SECISBP2L: variants seen among roughly 807,000 people sequenced by gnomAD.
The protein encoded by SECISBP2L is selenocysteine insertion sequence-binding protein 2-like.
In SECISBP2L, 43 loss-of-function variants were observed where a neutral mutation model predicts 114.7. The observed-to-expected ratio is 0.38, with a 90% CI of 0.29 to 0.48. SECISBP2L has a LOEUF of 0.48. Ranked by LOEUF, SECISBP2L falls within the 20% of genes least tolerant of loss-of-function variation. The pLI, the probability that SECISBP2L is intolerant of heterozygous loss-of-function variation, is 0.98. For missense variants in SECISBP2L, 1,136 were observed against 1,301.1 expected (o/e 0.87, Z 1.95); for synonymous variants, 451 against 439.7 (o/e 1.03, Z -0.32).
chr15:49,042,074 G>GT (rs561852112), intron 1 of SECISBP2L, among the ~76,000 whole-genome samples: 178 of 152,210 alleles, frequency 1.2e-3, no homozygotes, highest in Non-Finnish European at 2.2e-3. Context: ...CAAATCTAAT[G>GT]TTTTTTAAAT....
At chr15:49,024,517 A>C (rs1415293267) in intron 7 of SECISBP2L, among the ~76,000 whole-genome samples, 2 of 151,718 alleles carry the variant, frequency 1.3e-5, no homozygotes, top group Non-Finnish European at 2.9e-5. Context: ...AAAAAAAAGA[A>C]AGAAATCACC....
intron 2 of SECISBP2L, 78 bp from the exon 3 acceptor site, chr15:49,035,736 A>C: frequency 2.3e-6 from 3 of 1,315,380 alleles, no homozygotes; most frequent in Non-Finnish European, 3.1e-6. Flanking sequence ...CTTAACTTAC[A>C]CTAATAAAAG....
At chr15:49,004,600 T>TAGCTGTGTCCCAGAGTAA (rs1382632912) in intron 14 of SECISBP2L, among the ~76,000 whole-genome samples, 3 of 152,252 alleles carry the variant, frequency 2.0e-5, no homozygotes, top group Non-Finnish European at 4.4e-5. Context: ...AACACTGCTT[T>TAGCTGTGTCCCAGAGTAA]AGCTGTGTCC....
At position 49,035,650 on chromosome 15, in the gene SECISBP2L, G is replaced by A. The variant is rs1902990861; in HGVS notation, c.212C>T (p.Pro71Leu). The A allele has an allele frequency of 6.3e-7, 1 of 1,599,388 alleles. No individual in the cohort carries two copies. Among genetic ancestry groups the A allele is most frequent in the African/African-American group, 1.3e-5 (1 of 74,356 alleles). ...VQENQSNRQF[P>L]LYNNDIRWQQ... ...CCATCGTATATCATTGTTATATAAA[G>A]GAAACTGTCTGCAAAACCAAATCAA... is the stretch of plus-strand genomic sequence containing the variant. Residue 71 changes from proline to leucine, a missense_variant, in exon 3 of 18, where the codon CCT (proline) becomes CTT (leucine). Pro to Leu is a moderately conservative substitution (Grantham distance 98). Transcript: ENST00000559471.
Position 49,017,594 on chromosome 15 carries a change from C to T in SECISBP2L, c.1205G>A (p.Gly402Glu), listed in dbSNP as rs1231994765. 1 of 1,608,776 alleles carries T rather than the reference C, an allele frequency of 6.2e-7. No homozygotes were observed. Among genetic ancestry groups the T allele is most frequent in the East Asian group, 2.2e-5 (1 of 44,572 alleles). Residue 402 changes from glycine to glutamate, a missense_variant, in exon 9 of 18, where the codon GGA becomes GAA. By Grantham distance (98) the Gly-to-Glu change is moderately conservative. This residue lies in a region of SECISBP2L where 684 missense variants were observed against 848.7 expected (regional missense o/e 0.81). Coordinates refer to ENST00000559471, the MANE Select transcript of SECISBP2L (RefSeq NM_001193489.2). ...EDGFQELNEN[G>E]NAKDENIQQK... Reference sequence around the variant, plus strand: ...TTGAATATTCTCATCCTTAGCATTTCCATTCTCATTTAGTTCTTGAAACCC... The same window carrying T: ...TTGAATATTCTCATCCTTAGCATTTTCATTCTCATTTAGTTCTTGAAACCC...
At chr15:49,028,374 A>T in intron 5 of SECISBP2L, 79 bp downstream of exon 5, 1 of 1,348,068 alleles carries the variant, frequency 7.4e-7, no homozygotes, top group Non-Finnish European at 1.1e-6. Flanking sequence ...GAAAACAGAT[A>T]CTTAAGCTTT....
At chr15:49,013,797 CAACT>C (rs1472489093) in intron 11 of SECISBP2L, among the ~76,000 whole-genome samples, 25 of 152,246 alleles carry the variant, frequency 1.6e-4, no homozygotes, top group African/African-American at 5.5e-4. Flanking sequence ...CAAGGCTCAC[CAACT>C]GTCTTTATTC....
At chr15:49,019,652 A>C in intron 7 of SECISBP2L, 100 bp from the exon 8 acceptor site, 1 of 969,130 alleles carries the variant, frequency 1.0e-6, no homozygotes, top group Middle Eastern at 3.5e-4. Flanking sequence ...GCAAGTGTAC[A>C]ACTCAATAAA....
At chr15:48,996,867 TCTTC>T (rs1902102950) in intron 16 of SECISBP2L, among the ~76,000 whole-genome samples, 2 of 152,368 alleles carry the variant, frequency 1.3e-5, no homozygotes, top group South Asian at 2.1e-4. Context: ...ACAAGTGTAC[TCTTC>T]CTTTAGTGTC....
At chr15:49,024,213 G>A (rs996607521) in intron 7 of SECISBP2L, among the ~76,000 whole-genome samples, 1 of 152,060 alleles carries the variant, frequency 6.6e-6, no homozygotes, top group African/African-American at 2.4e-5. Context: ...TAAGAAATCA[G>A]TAGGCTGGGT....
intron 7 of SECISBP2L, among the ~76,000 whole-genome samples, chr15:49,022,118 T>C (rs1047887346): frequency 8.5e-5 from 13 of 152,180 alleles, no homozygotes; most frequent in African/African-American, 3.1e-4. Flanking sequence ...ATTTGATTGA[T>C]TGACTAACTG....
intron 17 of SECISBP2L, among the ~76,000 whole-genome samples, chr15:48,994,120 A>C (rs962652617): frequency 6.6e-6 from 1 of 152,086 alleles, no homozygotes; most frequent in African/African-American, 2.4e-5. Flanking sequence ...TGAAAAAAAA[A>C]AAATCACCTC....
chr15:48,993,197 A>C (rs1346614996), intron 17 of SECISBP2L, among the ~76,000 whole-genome samples: 1 of 150,112 alleles, frequency 6.7e-6, no homozygotes. Flanking sequence ...ATCTTGGCTC[A>C]CTGCAGCCTT....
At chr15:49,036,626 T>C (rs2141085533) in intron 2 of SECISBP2L, among the ~76,000 whole-genome samples, 1 of 152,396 alleles carries the variant, frequency 6.6e-6, no homozygotes, top group African/African-American at 2.4e-5. Context: ...TAGGCAAAGA[T>C]ATTTAATATC....
chr15:48,992,182 G>A lies in SECISBP2L; in HGVS notation c.*62C>T, dbSNP rs769269495. 5.6e-4 allele frequency: 811 copies of A among 1,449,608 alleles called. 2 individuals are homozygous for A. Among genetic ancestry groups the A allele is most frequent in the Non-Finnish European group, 5.8e-4 (617 of 1,068,958 alleles). The allele number at this position is 1,449,608 out of a possible 1,614,324, so 89.8% of individuals were successfully genotyped here. A position where few individuals can be genotyped will look rare whatever the true frequency, so the allele number is the denominator to read the frequency against. On this transcript the variant is annotated 3_prime_UTR_variant, in exon 18 of 18. Coordinates refer to ENST00000559471, the MANE Select transcript of SECISBP2L (RefSeq NM_001193489.2). ...GGACAGTGCAAAATGTTGAGATGAA[G>A]CATAAAAGGTAATGGCTGCAACCCT... is the stretch of plus-strand genomic sequence containing the variant.
chr15:49,016,612 C>T lies in SECISBP2L; in HGVS notation c.1509G>A (p.Gln503=). ...TAATTTGCCGTGCTTTCATTGCTTG[C>T]TGTTGTTTTTCCAGAGCAGCTAACA... ...GDMLAALEKQ[Q]QAMKARQITN... Residue 503 remains glutamine, a synonymous_variant, in exon 11 of 18, where the codon CAG becomes CAA. Coordinates refer to ENST00000559471, the MANE Select transcript of SECISBP2L (RefSeq NM_001193489.2). 2 of 1,610,430 alleles carry T rather than the reference C, an allele frequency of 1.2e-6. No homozygotes were observed. Among genetic ancestry groups the T allele is most frequent in the Middle Eastern group, 1.7e-4 (1 of 6,044 alleles).
At chr15:49,031,368 C>T (rs1401138413) in intron 4 of SECISBP2L, among the ~76,000 whole-genome samples, 2 of 152,076 alleles carry the variant, frequency 1.3e-5, no homozygotes, top group South Asian at 4.2e-4. Context: ...CATTTTCTGC[C>T]TATACATCCC....
chr15:48,995,182 CT>C (rs1255306619), intron 17 of SECISBP2L, among the ~76,000 whole-genome samples: 1 of 152,210 alleles, frequency 6.6e-6, no homozygotes, highest in East Asian at 1.9e-4. Flanking sequence ...AAACCCACAG[CT>C]TTACAGGTTT....
At chr15:49,003,920 C>T (rs1450609543) in intron 14 of SECISBP2L, among the ~76,000 whole-genome samples, 1 of 152,112 alleles carries the variant, frequency 6.6e-6, no homozygotes, top group African/African-American at 2.4e-5. Flanking sequence ...TGTGTCTCTG[C>T]CAGGTTTTGG....
Sources: gnomAD v4.1 joint callset for allele counts (sites outside exome capture counted in the v4.1 genomes callset) on GRCh38, gnomAD v4.1.1 for gene constraint, gnomAD v4.1.1 regional missense constraint, MANE v1.5 for transcripts, NCBI Gene and HGNC (gene_info 2026-07-23, HGNC 2026-07-21) for gene names.